The following MBP variants were observed in gnomAD, a reference collection of about 807,000 sequenced individuals.
MBP encodes Golli-MBP.
Under a neutral mutation model 35.8 loss-of-function variants are expected in MBP, and 16 were observed. That is an observed-to-expected ratio of 0.45 (90% CI 0.30 to 0.68). The LOEUF is 0.68. MBP is among the 30% of genes least tolerant of loss of function. The pLI is 0.08. For missense variants in MBP, 380 were observed against 404.7 expected, an observed-to-expected ratio of 0.94 and a Z score of 0.52; for synonymous variants, 143 against 159.6, an observed-to-expected ratio of 0.90 and a Z score of 0.78.
intron 3 of MBP, among the ~76,000 whole-genome samples, chr18:77,060,535 C>A (rs1973938939): frequency 6.8e-6 from 1 of 147,752 alleles, no homozygotes; most frequent in Non-Finnish European, 1.5e-5. Context: ...CTCACTGCAA[C>A]CTCTGCCTCC....
At chr18:77,023,363 T>A (rs1362603576) in intron 3 of MBP, among the ~76,000 whole-genome samples, 1 of 152,184 alleles carries the variant, frequency 6.6e-6, no homozygotes. Flanking sequence ...CAGTGGCTCA[T>A]CCCCAGCACA....
At chr18:77,122,650 C>T (rs1351988287) in intron 1 of MBP, among the ~76,000 whole-genome samples, 1 of 152,240 alleles carries the variant, frequency 6.6e-6, no homozygotes, top group African/African-American at 2.4e-5. Context: ...TCAAGCAGTT[C>T]TCCTGCCTCA....
chr18:77,098,135 G>A (rs1430182546), intron 2 of MBP, among the ~76,000 whole-genome samples: 2 of 142,352 alleles, frequency 1.4e-5, no homozygotes, highest in African/African-American at 5.2e-5. Flanking sequence ...TGATTAGACT[G>A]TGAGGTATTC....
chr18:77,133,610 C>T (rs377103867), upstream of MBP: 1 of 151,184 alleles, frequency 6.6e-6, no homozygotes, highest in Non-Finnish European at 1.5e-5. Context: ...AGAATGAGGC[C>T]CCGCGTTCCT....
At chr18:77,072,333 G>A (rs988156223) in intron 2 of MBP, among the ~76,000 whole-genome samples, 35 of 152,122 alleles carry the variant, frequency 2.3e-4, no homozygotes, top group African/African-American at 7.7e-4. Context: ...ATTCCCTGCC[G>A]TAGACAGATC....
At position 76,988,116 on chromosome 18, in the gene MBP, C is replaced by T; in HGVS notation, c.750+379G>A. The T allele has an allele frequency of 6.6e-7, 1 of 1,518,118 alleles. No individual in the cohort carries two copies. The highest frequency in any genetic ancestry group is 8.8e-7 in the Non-Finnish European group (1 of 1,135,400). The allele number at this position is 1,518,118 out of a possible 1,614,324, so 94.0% of individuals were successfully genotyped here. Reference sequence around the variant, plus strand: ...CACTGAGACGGGCCAGCCAGTCCCACTTCCACATGCGGGTTCCTGGGGCTT... The same window carrying T: ...CACTGAGACGGGCCAGCCAGTCCCATTTCCACATGCGGGTTCCTGGGGCTT... On this transcript the variant is annotated intron_variant, in intron 7 of 8. Coordinates refer to ENST00000355994, the MANE Select transcript of MBP (RefSeq NM_001025101.2). The surrounding 1 kb of genome is among the most constrained non-coding windows in gnomAD (Gnocchi z 5.2).
At chr18:77,069,025 G>C (rs756936639) in intron 2 of MBP, 2 of 482,914 alleles carry the variant, frequency 4.1e-6, no homozygotes, top group South Asian at 3.0e-5. Context: ...CCAGCAGCCT[G>C]TGACTTCTGC....
At chr18:77,119,808 G>C (rs1976832865) in intron 1 of MBP, among the ~76,000 whole-genome samples, 1 of 152,184 alleles carries the variant, frequency 6.6e-6, no homozygotes, top group African/African-American at 2.4e-5. Flanking sequence ...GGGGTGCTGC[G>C]GAAGAAGGGA....
At chr18:76,985,278 C>T (rs1488725126) in intron 7 of MBP, 14 of 1,318,544 alleles carry the variant, frequency 1.1e-5, no homozygotes, top group Middle Eastern at 2.1e-4. Context: ...CCTGCCTACA[C>T]GGGTTTGGAG....
At chr18:77,025,472 C>T (rs1255058132) in intron 3 of MBP, among the ~76,000 whole-genome samples, 1 of 152,016 alleles carries the variant, frequency 6.6e-6, no homozygotes, top group Non-Finnish European at 1.5e-5. Flanking sequence ...GACTGTTAAA[C>T]ATGAACAAAA....
rs746521824 is a variant in MBP, at chr18:76,988,334, G to C, written c.750+161C>G. The C allele has an allele frequency of 6.3e-7, 1 of 1,594,620 alleles. No homozygotes were observed. Among genetic ancestry groups the C allele is most frequent in the Admixed American group, 1.8e-5 (1 of 56,222 alleles). On this transcript the variant is annotated intron_variant, in intron 7 of 8. Coordinates refer to ENST00000355994, the MANE Select transcript of MBP (RefSeq NM_001025101.2). The surrounding 1 kb of genome is among the most constrained non-coding windows in gnomAD (Gnocchi z 5.2). ...GGGAAGACCACGTTTCATTTCCCCA[G>C]TGGAAGACAAGGCGGCCCGATCCCA...
chr18:77,054,735 C>T (rs1043749544), intron 3 of MBP, among the ~76,000 whole-genome samples: 5 of 152,260 alleles, frequency 3.3e-5, no homozygotes, highest in African/African-American at 7.2e-5. Flanking sequence ...TCCCTGTTAG[C>T]GGCGGGTGAC....
In MBP at chr18:77,020,980, C is replaced by T. The variant is rs752354315; in HGVS notation, c.140-3712G>A. On this transcript the variant is annotated intron_variant, in intron 3 of 8. Transcript: ENST00000355994. The surrounding 1 kb of genome is among the most constrained non-coding windows in gnomAD (Gnocchi z 4.1). ...TGTGGTTTGGTTCACACTAAAAATA[C>T]TTTGAGGGCATTTCTTCACGTGGAC... is the stretch of plus-strand genomic sequence containing the variant. Among the ~76,000 whole-genome samples the T allele has an allele frequency of 7.9e-5, 12 of 152,214 alleles. No individual in the cohort carries two copies. The highest frequency in any genetic ancestry group is 1.6e-4 in the Non-Finnish European group (11 of 68,044).
intron 3 of MBP, among the ~76,000 whole-genome samples, chr18:77,056,029 C>A (rs964564995): frequency 6.6e-6 from 1 of 152,384 alleles, no homozygotes; most frequent in South Asian, 2.1e-4. Context: ...GAGCGTGCTG[C>A]GCTCCACTGA....
At position 77,011,480 on chromosome 18, in the gene MBP, G is replaced by A. The variant is rs116555531; in HGVS notation, c.576+5352C>T. Among the ~76,000 whole-genome samples the A allele has an allele frequency of 4.0e-3, 615 of 152,284 alleles. 3 individuals carry two copies. Among genetic ancestry groups the A allele is most frequent in the African/African-American group, 0.014 (564 of 41,558 alleles). Reference sequence around the variant, plus strand: ...GTTCTCGTGGCTCTGGTGGGCTGGCGTGAAGCCCCTCTACTGACTCCCTGT... The same window carrying A: ...GTTCTCGTGGCTCTGGTGGGCTGGCATGAAGCCCCTCTACTGACTCCCTGT... On this transcript the variant is annotated intron_variant, in intron 4 of 8. Transcript: ENST00000355994.
At chr18:77,100,144 T>C (rs1406041125) in intron 2 of MBP, among the ~76,000 whole-genome samples, 2 of 152,206 alleles carry the variant, frequency 1.3e-5, no homozygotes, top group African/African-American at 2.4e-5. Context: ...AAAGAGGCCA[T>C]GACATTAAGA....
At chr18:77,096,999 G>T (rs1944472793) in intron 2 of MBP, among the ~76,000 whole-genome samples, 3 of 152,162 alleles carry the variant, frequency 2.0e-5, no homozygotes, top group Admixed American at 2.0e-4. Context: ...AATAACTCAA[G>T]GGCACTACAA....
intron 1 of MBP, among the ~76,000 whole-genome samples, chr18:77,125,579 G>A (rs1323648161): frequency 6.6e-6 from 1 of 152,054 alleles, no homozygotes; most frequent in African/African-American, 2.4e-5. Context: ...TAAAGAAATA[G>A]AATAATACTA....
At chr18:77,090,644 G>A (rs1165302590) in intron 2 of MBP, among the ~76,000 whole-genome samples, 1 of 152,142 alleles carries the variant, frequency 6.6e-6, no homozygotes, top group African/African-American at 2.4e-5. Context: ...TTGGTGGGAC[G>A]TTTCCTAACA....
Sources: gnomAD v4.1 joint callset for allele counts (sites outside exome capture counted in the v4.1 genomes callset) on GRCh38, gnomAD v4.1.1 for gene constraint, Gnocchi (gnomAD v3.1) non-coding constraint, MANE v1.5 for transcripts, NCBI Gene and HGNC (gene_info 2026-07-23, HGNC 2026-07-21) for gene names.